B4GALT6: variants seen among roughly 807,000 people sequenced by gnomAD.
The protein encoded by B4GALT6 is UDP-Gal:beta-GlcNAc beta-1,4-galactosyltransferase 6.
A neutral mutation model predicts 46.3 loss-of-function variants in B4GALT6; 14 were observed. The ratio of observed to expected loss-of-function variants is 0.30; its 90% confidence interval spans 0.20 to 0.47. The LOEUF is 0.47. Ranked by LOEUF, B4GALT6 falls within the 20% of genes least tolerant of loss-of-function variation. The probability of loss-of-function intolerance (pLI) is 0.99; values close to 1 mark genes in which losing one functional copy is unlikely to be tolerated. For missense variants in B4GALT6, 386 were observed against 480.1 expected (o/e 0.80, Z 1.83); for synonymous variants, 168 against 162.0 (o/e 1.04, Z -0.28).
the B4GALT6 span, among the ~76,000 whole-genome samples, chr18:31,704,176 T>C: frequency 2.0e-5 from 3 of 151,776 alleles, no homozygotes; most frequent in Non-Finnish European, 4.4e-5. Context: ...AGAAATAATA[T>C]AATTGGTTAG....
chr18:31,657,218 TA>T (rs768567528), intron 3 of B4GALT6, among the ~76,000 whole-genome samples: 35 of 151,250 alleles, frequency 2.3e-4, no homozygotes, highest in East Asian at 1.5e-3. Flanking sequence ...TATATATATA[TA>T]TTTTTTTTGC....
the B4GALT6 span, among the ~76,000 whole-genome samples, chr18:31,703,210 G>C: frequency 3.3e-5 from 5 of 152,154 alleles, no homozygotes; most frequent in African/African-American, 1.2e-4. Flanking sequence ...GCAAGGAAAA[G>C]AGGGGGAAAA....
chr18:31,683,968 A>C (rs1416444249), intron 1 of B4GALT6, among the ~76,000 whole-genome samples: 1 of 152,236 alleles, frequency 6.6e-6, no homozygotes, highest in Non-Finnish European at 1.5e-5. Flanking sequence ...TTAAGCACTC[A>C]GTTTAGGCTT....
the B4GALT6 span, among the ~76,000 whole-genome samples, chr18:31,696,990 G>GGC: frequency 1.3e-5 from 2 of 152,190 alleles, no homozygotes; most frequent in Non-Finnish European, 2.9e-5. Flanking sequence ...AGCTAGGCCA[G>GGC]GCGCGGTGGC....
rs967050360 is a variant in B4GALT6 at position 31,624,460 on chromosome 18, T to G, written c.*1154A>C. 1 of 151,804 alleles carries G rather than the reference T, an allele frequency of 6.6e-6. No individual in the cohort carries two copies. The highest frequency in any genetic ancestry group is 2.4e-5 in the African/African-American group (1 of 41,362). The allele number at this position is 151,804 out of a possible 1,614,324, so 9.4% of individuals were successfully genotyped here. A position where few individuals can be genotyped will look rare whatever the true frequency, so the allele number is the denominator to read the frequency against. ...TTTGAATGAAACTAACATTCAAGGG[T>G]CCCCTCCAAAAGTGAAATTCTATGT... On this transcript the variant is annotated 3_prime_UTR_variant, in exon 9 of 9. Transcript: ENST00000306851.
intron 4 of B4GALT6, among the ~76,000 whole-genome samples, chr18:31,644,149 A>G (rs1467957412): frequency 6.6e-6 from 1 of 152,238 alleles, no homozygotes; most frequent in African/African-American, 2.4e-5. Context: ...TGTTTTGCTA[A>G]AATTGGTACT....
chr18:31,683,323 C>A (rs1175009857), intron 1 of B4GALT6, among the ~76,000 whole-genome samples: 1 of 152,154 alleles, frequency 6.6e-6, no homozygotes, highest in Non-Finnish European at 1.5e-5. Context: ...TAACTCGGAA[C>A]AAAGAGCACT....
intron 3 of B4GALT6, among the ~76,000 whole-genome samples, chr18:31,648,931 C>T (rs1567968241): frequency 1.3e-5 from 2 of 152,132 alleles, no homozygotes; most frequent in Non-Finnish European, 2.9e-5. Flanking sequence ...GATATGTTGG[C>T]TTTTGTCTGT....
At chr18:31,678,423 C>T (rs1446513731) in intron 1 of B4GALT6, among the ~76,000 whole-genome samples, 5 of 152,052 alleles carry the variant, frequency 3.3e-5, no homozygotes, top group Admixed American at 6.6e-5. Flanking sequence ...TTTCATCGCT[C>T]GTCTATACAG....
At chr18:31,683,086 A>C (rs1275044549) in intron 1 of B4GALT6, among the ~76,000 whole-genome samples, 1 of 152,242 alleles carries the variant, frequency 6.6e-6, no homozygotes, top group East Asian at 1.9e-4. Flanking sequence ...ATTTCTTCTT[A>C]AACATCATCA....
At chr18:31,629,677 G>A (rs1238219711) in intron 6 of B4GALT6, among the ~76,000 whole-genome samples, 7 of 149,626 alleles carry the variant, frequency 4.7e-5, no homozygotes, top group East Asian at 3.9e-4. Context: ...GTGAAACCCC[G>A]TCTCTACTAA....
In B4GALT6 at chr18:31,625,403, C is replaced by T. The variant is rs1216280757; in HGVS notation, c.*211G>A. Reference sequence around the variant, plus strand: ...CTTAAGTAGTGGCTTCCCGTTTCTGCGGTGCTCGCCACAGGGGTGTGTCTC... The same window carrying T: ...CTTAAGTAGTGGCTTCCCGTTTCTGTGGTGCTCGCCACAGGGGTGTGTCTC... On this transcript the variant is annotated 3_prime_UTR_variant, in exon 9 of 9. Coordinates refer to ENST00000306851, the MANE Select transcript of B4GALT6 (RefSeq NM_004775.5). 8 of 446,900 alleles carry T rather than the reference C, an allele frequency of 1.8e-5. No individual in the cohort carries two copies. The highest frequency in any genetic ancestry group is 4.1e-5 in the African/African-American group (2 of 48,754). 27.7% of individuals were successfully genotyped at this position (446,900 alleles called of 1,614,324 possible).
intron 1 of B4GALT6, among the ~76,000 whole-genome samples, chr18:31,676,470 AC>A (rs1304412694): frequency 3.3e-5 from 5 of 152,190 alleles, no homozygotes; most frequent in African/African-American, 1.2e-4. Context: ...ATAATTAAAA[AC>A]ACTAAATAAC....
chr18:31,626,253 C>T, intron 8 of B4GALT6, 30 bp downstream of exon 8: 1 of 1,294,956 alleles, frequency 7.7e-7, no homozygotes, highest in Non-Finnish European at 1.1e-6. Context: ...CTTTGGAAAC[C>T]TTGGTATCTG....
the B4GALT6 span, among the ~76,000 whole-genome samples, chr18:31,697,472 G>A: frequency 8.1e-6 from 1 of 123,336 alleles, no homozygotes; most frequent in South Asian, 3.1e-4. Flanking sequence ...AGGGTCGGGG[G>A]TGGGTTGAGA....
At chr18:31,672,999 A>G (rs535177398) in intron 1 of B4GALT6, among the ~76,000 whole-genome samples, 1 of 152,362 alleles carries the variant, frequency 6.6e-6, no homozygotes, top group Non-Finnish European at 1.5e-5. Flanking sequence ...GAAAAGGAAA[A>G]TAAGTGATTA....
intron 5 of B4GALT6, among the ~76,000 whole-genome samples, chr18:31,632,152 G>T (rs2073799035): frequency 6.6e-6 from 1 of 152,130 alleles, no homozygotes; most frequent in Non-Finnish European, 1.5e-5. Flanking sequence ...TACGATAGAA[G>T]TAAATGAGAC....
Position 31,655,534 on chromosome 18 carries a change from G to T in B4GALT6, c.346+2442C>A, listed in dbSNP as rs1419961320. Among the ~76,000 whole-genome samples the T allele has an allele frequency of 2.0e-5, 3 of 152,338 alleles. No homozygotes were observed. In the East Asian group the frequency reaches 5.8e-4, roughly 29 times the overall value. ...ACGCAATCTCTCAGGCACCACAAGA[G>T]ATGGTACAATGGGCTGTGGGGCGGG... On this transcript the variant is annotated intron_variant, in intron 3 of 8. Transcript: ENST00000306851.
At chr18:31,684,221 A>C in intron 1 of B4GALT6, 91 bp downstream of exon 1, 1 of 1,581,030 alleles carries the variant, frequency 6.3e-7, no homozygotes, top group Non-Finnish European at 8.6e-7. Flanking sequence ...CCCTGTTTGA[A>C]CAGCTTCCAA....
Sources: gnomAD v4.1 joint callset for allele counts (sites outside exome capture counted in the v4.1 genomes callset) on GRCh38, gnomAD v4.1.1 for gene constraint, MANE v1.5 for transcripts, NCBI Gene and HGNC (gene_info 2026-07-23, HGNC 2026-07-21) for gene names.